Variants in EDNRB observed in about 807,000 individuals in gnomAD.
The protein encoded by EDNRB is endothelin receptor type B.
EDNRB carries 18 observed loss-of-function variants against 46.4 expected under a neutral mutation model. The observed-to-expected ratio is 0.39, with a 90% confidence interval of 0.27 to 0.57. The LOEUF is 0.57. EDNRB is among the 20% of genes least tolerant of loss of function. EDNRB has a pLI of 0.61. For missense variants in EDNRB, 434 were observed against 537.5 expected, an observed-to-expected ratio of 0.81 and a Z score of 1.90; for synonymous variants, 213 against 204.9, an observed-to-expected ratio of 1.04 and a Z score of -0.34.
At chr13:77,956,406 C>CT (rs1311797798) in intron 1 of EDNRB, among the ~76,000 whole-genome samples, 2 of 152,020 alleles carry the variant, frequency 1.3e-5, no homozygotes, top group Non-Finnish European at 2.9e-5. Flanking sequence ...CATCCCATCG[C>CT]TTTTTTTGTA....
intron 1 of EDNRB, among the ~76,000 whole-genome samples, chr13:77,974,042 C>G (rs896617679): frequency 1.3e-5 from 2 of 150,788 alleles, no homozygotes; most frequent in East Asian, 3.9e-4. Flanking sequence ...TAGTATAAAA[C>G]ATGTTACACT....
chr13:77,915,209 T>G (rs1879750123), intron 1 of EDNRB, among the ~76,000 whole-genome samples: 1 of 152,184 alleles, frequency 6.6e-6, no homozygotes, highest in African/African-American at 2.4e-5. Flanking sequence ...TTTTAACTGG[T>G]CCTGGATTTG....
intron 1 of EDNRB, among the ~76,000 whole-genome samples, chr13:77,936,427 A>G (rs1397998238): frequency 6.6e-6 from 1 of 152,178 alleles, no homozygotes; most frequent in Middle Eastern, 3.2e-3. Context: ...CACAACAGTT[A>G]TGGAGGCAAG....
chr13:77,954,582 GC>G (rs1213682021), intron 1 of EDNRB, among the ~76,000 whole-genome samples: 1 of 151,686 alleles, frequency 6.6e-6, no homozygotes, highest in African/African-American at 2.4e-5. Flanking sequence ...CACGATCTCG[GC>G]TCACTGCCAT....
At chr13:77,916,555 C>T (rs1195723450) in intron 1 of EDNRB, among the ~76,000 whole-genome samples, 2 of 152,192 alleles carry the variant, frequency 1.3e-5, no homozygotes, top group Admixed American at 6.5e-5. Context: ...CTAATCCACT[C>T]TCACCGCTAA....
chr13:77,963,315 A>T (rs915181053), intron 1 of EDNRB, among the ~76,000 whole-genome samples: 2 of 152,240 alleles, frequency 1.3e-5, no homozygotes, highest in Admixed American at 6.5e-5. Context: ...TTGCCAAGTC[A>T]GTCCTAAGCC....
chr13:77,908,801 G>A (rs1879420973), intron 1 of EDNRB, among the ~76,000 whole-genome samples: 3 of 151,902 alleles, frequency 2.0e-5, no homozygotes, highest in Admixed American at 2.0e-4. Flanking sequence ...TCGCAAAAAG[G>A]GTGTTTAGAG....
chr13:77,933,171 G>C (rs900844852), intron 1 of EDNRB, among the ~76,000 whole-genome samples: 2 of 152,142 alleles, frequency 1.3e-5, no homozygotes, highest in Non-Finnish European at 2.9e-5. Flanking sequence ...ATCACATATA[G>C]GTTACACTTC....
chr13:77,903,046 C>T (rs892381661), intron 3 of EDNRB, 110 bp downstream of exon 3: 19 of 1,179,628 alleles, frequency 1.6e-5, no homozygotes, highest in Non-Finnish European at 2.0e-5. Flanking sequence ...TTAATTTATG[C>T]CAAGGACAGT....
At chr13:77,934,537 C>T (rs1880499482) in intron 1 of EDNRB, among the ~76,000 whole-genome samples, 1 of 151,926 alleles carries the variant, frequency 6.6e-6, no homozygotes, top group South Asian at 2.1e-4. Flanking sequence ...CCTTCTCAGA[C>T]CCTGTGGAAA....
chr13:77,973,935 T>TC (rs1266274429), intron 1 of EDNRB, among the ~76,000 whole-genome samples: 2 of 137,274 alleles, frequency 1.5e-5, no homozygotes, highest in African/African-American at 6.0e-5. Context: ...CCCCCTTTTT[T>TC]CCTTTTTTTT....
chr13:77,956,098 T>C (rs1274479113), intron 1 of EDNRB, among the ~76,000 whole-genome samples: 2 of 152,200 alleles, frequency 1.3e-5, no homozygotes, highest in Non-Finnish European at 2.9e-5. Context: ...GGATCGAATC[T>C]GAAGATTGCT....
At chr13:77,934,753 A>AG (rs1470073051) in intron 1 of EDNRB, among the ~76,000 whole-genome samples, 2 of 151,346 alleles carry the variant, frequency 1.3e-5, no homozygotes, top group Non-Finnish European at 1.5e-5. Context: ...TATTTCCTTG[A>AG]GATAGATTTC....
intron 1 of EDNRB, among the ~76,000 whole-genome samples, chr13:77,965,435 T>C (rs1881553301): frequency 6.6e-6 from 1 of 152,184 alleles, no homozygotes; most frequent in Admixed American, 6.5e-5. Context: ...GATCAAATCT[T>C]AGAACAAGAA....
intron 1 of EDNRB, among the ~76,000 whole-genome samples, chr13:77,959,579 C>T (rs1285235384): frequency 6.6e-6 from 1 of 152,162 alleles, no homozygotes; most frequent in African/African-American, 2.4e-5. Context: ...GATAAAACCA[C>T]AAAGATGAGG....
At chr13:77,963,120 A>G (rs1881475622) in intron 1 of EDNRB, among the ~76,000 whole-genome samples, 1 of 152,212 alleles carries the variant, frequency 6.6e-6, no homozygotes, top group South Asian at 2.1e-4. Context: ...GAAATAAAAG[A>G]GGACACAAAC....
At chr13:77,960,136 T>G (rs1167679437) in intron 1 of EDNRB, among the ~76,000 whole-genome samples, 1 of 152,188 alleles carries the variant, frequency 6.6e-6, no homozygotes, top group African/African-American at 2.4e-5. Context: ...CCAGGAGAAC[T>G]TCCCCAACCT....
At chr13:77,900,459 T>C (rs1878904386) in intron 5 of EDNRB, 62 bp downstream of exon 5, 2 of 1,606,638 alleles carry the variant, frequency 1.2e-6, no homozygotes, top group Non-Finnish European at 1.7e-6. Context: ...ATAAAAAAGA[T>C]CGATGGAAAC....
At chr13:77,914,236 C>T (rs1879705951) in intron 1 of EDNRB, among the ~76,000 whole-genome samples, 2 of 152,212 alleles carry the variant, frequency 1.3e-5, no homozygotes, top group African/African-American at 4.8e-5. Context: ...ACAAACATGT[C>T]GTTTGTAGTC....
Sources: allele counts gnomAD v4.1 joint callset (sites outside exome capture counted in the v4.1 genomes callset), GRCh38; gene constraint gnomAD v4.1.1; transcripts MANE v1.5; gene names NCBI Gene and HGNC (gene_info 2026-07-23, HGNC 2026-07-21).